The following ATAD2B variants were observed in gnomAD, a reference collection of about 807,000 sequenced individuals.
ATAD2B encodes ATPase family AAA domain containing 2B.
A neutral mutation model predicts 167.6 loss-of-function variants in ATAD2B; 40 were observed. That is an observed-to-expected ratio of 0.24 (90% CI 0.19 to 0.31). ATAD2B has a LOEUF of 0.31. Ranked by LOEUF, ATAD2B falls within the 10% of genes least tolerant of loss-of-function variation. ATAD2B has a pLI of 1.00. For synonymous variants in ATAD2B, 579 were observed against 596.5 expected (o/e 0.97, Z 0.43); for missense variants, 1,242 against 1,757.2 (o/e 0.71, Z 5.24).
intron 1 of ATAD2B, among the ~76,000 whole-genome samples, chr2:23,916,254 C>T (rs1703028607): frequency 6.6e-6 from 1 of 152,156 alleles, no homozygotes; most frequent in African/African-American, 2.4e-5. Context: ...AAATTTATTC[C>T]ATAACTGATT....
chr2:23,693,192 T>C, the ATAD2B span: 3 of 1,474,358 alleles, frequency 2.0e-6, no homozygotes, highest in Non-Finnish European at 2.7e-6. Context: ...GAGAAGGATC[T>C]AGGGTGACAG....
the ATAD2B span, chr2:23,695,772 C>T: frequency 5.4e-5 from 83 of 1,551,242 alleles, no homozygotes; most frequent in African/African-American, 2.7e-4. The surrounding 1 kb of genome is among the most constrained non-coding windows in gnomAD (Gnocchi z 7.6). Context: ...TGCTGCCCCA[C>T]GCCCGCCAGG....
At chr2:23,693,158 A>C in the ATAD2B span, 3 of 1,144,754 alleles carry the variant, frequency 2.6e-6, no homozygotes, top group Non-Finnish European at 3.4e-6. Context: ...CACTGCAGTC[A>C]GGGTCCCCCG....
At chr2:23,882,469 T>C (rs1354947084) in intron 6 of ATAD2B, among the ~76,000 whole-genome samples, 3 of 141,846 alleles carry the variant, frequency 2.1e-5, no homozygotes, top group African/African-American at 5.3e-5. Flanking sequence ...GTGCTGGAAT[T>C]ATAGGGGTGA....
At chr2:23,786,317 T>C in intron 20 of ATAD2B, 94 bp from the exon 21 acceptor site, 1 of 1,029,232 alleles carries the variant, frequency 9.7e-7, no homozygotes, top group Non-Finnish European at 1.4e-6. Flanking sequence ...AGAAAAGAAT[T>C]ACAAATACAG....
At chr2:23,817,352 T>C (rs753781910) in intron 17 of ATAD2B, among the ~76,000 whole-genome samples, 3 of 152,208 alleles carry the variant, frequency 2.0e-5, no homozygotes, top group African/African-American at 4.8e-5. Context: ...GCAATATGAT[T>C]GTTAAGGGGC....
At chr2:23,699,317 C>T in the ATAD2B span, among the ~76,000 whole-genome samples, 2 of 152,196 alleles carry the variant, frequency 1.3e-5, no homozygotes, top group African/African-American at 4.8e-5. Flanking sequence ...GGTGGCACAG[C>T]ATGCCATGCC....
At position 23,815,704 on chromosome 2, in the gene ATAD2B, T is replaced by C. The variant is rs1327373420; in HGVS notation, c.2267+4043A>G. Among the ~76,000 whole-genome samples the C allele has an allele frequency of 3.3e-5, 5 of 152,314 alleles. No individual in the cohort carries two copies. The South Asian group carries it at 8.3e-4, about 25-fold the overall frequency. The stretch of plus-strand genomic sequence containing the variant: ...CATTATCAATGAGAGGATGGCAAAA[T>C]TGATATCCTCACAACTAGTGGAAGA... On this transcript the variant is annotated intron_variant, in intron 17 of 27. Transcript: ENST00000238789.
chr2:23,831,687 A>C (rs188898580), intron 14 of ATAD2B, among the ~76,000 whole-genome samples: 150 of 152,328 alleles, frequency 9.8e-4, no homozygotes, highest in African/African-American at 3.5e-3. Context: ...ATGTGTGCCA[A>C]CAATATTCTG....
intron 13 of ATAD2B, among the ~76,000 whole-genome samples, chr2:23,834,597 AT>A (rs1176078717): frequency 6.9e-5 from 10 of 145,270 alleles, no homozygotes; most frequent in Non-Finnish European, 1.5e-4. Context: ...CAAAAAAAAA[AT>A]GGACTTCATC....
At chr2:23,744,266 A>C (rs2149276021), downstream of ATAD2B, among the ~76,000 whole-genome samples, 1 of 151,766 alleles carries the variant, frequency 6.6e-6, no homozygotes, top group East Asian at 1.9e-4. Context: ...GTTGAAAACA[A>C]TTGGCTCCTG....
chr2:23,875,558 T>C (rs892962373), intron 8 of ATAD2B, among the ~76,000 whole-genome samples: 8 of 151,880 alleles, frequency 5.3e-5, no homozygotes, highest in African/African-American at 1.9e-4. Flanking sequence ...AAAGCATAAT[T>C]AGGGGGAAAA....
the ATAD2B span, among the ~76,000 whole-genome samples, chr2:23,712,940 C>T: frequency 6.6e-6 from 1 of 152,102 alleles, no homozygotes; most frequent in South Asian, 2.1e-4. Context: ...ACTGCCTTCT[C>T]CACCTCCCAC....
chr2:23,887,454 C>T (rs537426855), intron 4 of ATAD2B, among the ~76,000 whole-genome samples: 1 of 152,244 alleles, frequency 6.6e-6, no homozygotes, highest in South Asian at 2.1e-4. Flanking sequence ...TTAATAGTAA[C>T]TTAAGCCCAA....
At chr2:23,801,935 AT>A (rs1415525053) in intron 18 of ATAD2B, among the ~76,000 whole-genome samples, 3 of 152,064 alleles carry the variant, frequency 2.0e-5, no homozygotes, top group South Asian at 2.1e-4. Flanking sequence ...AATCTAGTGT[AT>A]TTTTAAACTA....
chr2:23,870,682 T>C (rs956171902), intron 8 of ATAD2B, among the ~76,000 whole-genome samples: 1 of 151,922 alleles, frequency 6.6e-6, no homozygotes, highest in Non-Finnish European at 1.5e-5. Context: ...TGGTTTTTTT[T>C]TTTAATTTTA....
chr2:23,804,189 C>T (rs1298150594), intron 18 of ATAD2B, among the ~76,000 whole-genome samples: 2 of 152,194 alleles, frequency 1.3e-5, no homozygotes, highest in Non-Finnish European at 1.5e-5. Context: ...TTTAAAAATT[C>T]CTCTTACATT....
chr2:23,730,462 C>T, the ATAD2B span, among the ~76,000 whole-genome samples: 11 of 151,562 alleles, frequency 7.3e-5, no homozygotes, highest in South Asian at 1.7e-3. Context: ...GTCAGGAGAT[C>T]GAGACCATCC....
intron 1 of ATAD2B, among the ~76,000 whole-genome samples, chr2:23,912,382 C>A (rs982033401): frequency 6.6e-6 from 1 of 151,948 alleles, no homozygotes; most frequent in African/African-American, 2.4e-5. Context: ...TGGCACACAC[C>A]TGTAGTCCTA....
Sources: gnomAD v4.1 joint callset for allele counts (sites outside exome capture counted in the v4.1 genomes callset) on GRCh38, gnomAD v4.1.1 for gene constraint, Gnocchi (gnomAD v3.1) non-coding constraint, MANE v1.5 for transcripts, NCBI Gene and HGNC (gene_info 2026-07-23, HGNC 2026-07-21) for gene names.